The following LRRC4C variants were observed in gnomAD, a reference collection of about 807,000 sequenced individuals.
The protein encoded by LRRC4C is leucine-rich repeat-containing protein 4C.
Under a neutral mutation model 33.6 loss-of-function variants are expected in LRRC4C, and 5 were observed. The ratio of observed to expected loss-of-function variants is 0.15; its 90% CI spans 0.08 to 0.31. The LOEUF is 0.31. LRRC4C is among the 10% of genes least tolerant of loss of function. The pLI is 1.00. For synonymous variants in LRRC4C, 329 were observed against 302.0 expected, an observed-to-expected ratio of 1.09 and a Z score of -0.93; for missense variants, 560 against 796.7, an observed-to-expected ratio of 0.70 and a Z score of 3.58.
intron 4 of LRRC4C, among the ~76,000 whole-genome samples, chr11:40,261,693 T>C (rs555697468): frequency 6.6e-5 from 10 of 152,048 alleles, no homozygotes; most frequent in Non-Finnish European, 1.3e-4. Context: ...CATGCAGTGA[T>C]GAAGCTAAAA....
rs1305066126 is a variant in LRRC4C, at chr11:40,749,471, A to C, written c.-406-101193T>G. On this transcript the variant is annotated intron_variant, in intron 2 of 6. Transcript: ENST00000528697. ...ACCTATGAGATACAAAAAAAAAAAAAAACCCTATAATAAGCAGGAAGTTTA... is the reference window on the plus strand; with the variant it reads ...ACCTATGAGATACAAAAAAAAAAAACAACCCTATAATAAGCAGGAAGTTTA... 7.2e-5 allele frequency among the ~76,000 whole-genome samples: 11 copies of C among 151,762 alleles called. No individual in the cohort carries two copies. In the South Asian group the frequency reaches 1.2e-3, roughly 17 times the overall value.
At chr11:40,763,791 C>T (rs1298600500) in intron 2 of LRRC4C, among the ~76,000 whole-genome samples, 2 of 152,164 alleles carry the variant, frequency 1.3e-5, no homozygotes, top group African/African-American at 4.8e-5. Context: ...ACAAGTTGTC[C>T]ATTTCAGTAG....
chr11:41,324,911 TAG>T (rs1379130471), intron 1 of LRRC4C, among the ~76,000 whole-genome samples: 1 of 152,218 alleles, frequency 6.6e-6, no homozygotes, highest in African/African-American at 2.4e-5. Flanking sequence ...ATATTTAAAA[TAG>T]AGTTTTGATT....
intron 1 of LRRC4C, among the ~76,000 whole-genome samples, chr11:41,196,861 T>A: frequency 6.6e-6 from 1 of 152,084 alleles, no homozygotes; most frequent in East Asian, 1.9e-4. Context: ...TAATTTTTAG[T>A]AACTCCTGTT....
At chr11:41,368,852 C>G (rs1043503246) in intron 1 of LRRC4C, among the ~76,000 whole-genome samples, 23 of 152,112 alleles carry the variant, frequency 1.5e-4, no homozygotes, top group African/African-American at 5.3e-4. Context: ...TACTTTTTTC[C>G]CCGCATCCTA....
At chr11:41,304,699 C>CG (rs1950421424) in intron 1 of LRRC4C, among the ~76,000 whole-genome samples, 1 of 93,332 alleles carries the variant, frequency 1.1e-5, no homozygotes, top group Non-Finnish European at 2.2e-5. Context: ...CCCGGCCAGC[C>CG]ACCCCGTCCG....
chr11:40,916,367 A>C (rs1411539258), intron 2 of LRRC4C, among the ~76,000 whole-genome samples: 1 of 152,240 alleles, frequency 6.6e-6, no homozygotes, highest in Non-Finnish European at 1.5e-5. Flanking sequence ...CTATGCAGCC[A>C]TGAAAAATGA....
At chr11:40,309,390 T>C (rs1171436113) in intron 4 of LRRC4C, among the ~76,000 whole-genome samples, 1 of 152,260 alleles carries the variant, frequency 6.6e-6, no homozygotes, top group Non-Finnish European at 1.5e-5. Flanking sequence ...TATCAGTATT[T>C]CATTCCATTT....
intron 2 of LRRC4C, among the ~76,000 whole-genome samples, chr11:40,756,792 A>C (rs1948971638): frequency 6.6e-6 from 1 of 152,020 alleles, no homozygotes; most frequent in African/African-American, 2.4e-5. Flanking sequence ...AATCAACATG[A>C]CTTTATTCTA....
intron 1 of LRRC4C, among the ~76,000 whole-genome samples, chr11:41,450,369 T>C (rs1286918062): frequency 1.3e-5 from 2 of 152,162 alleles, no homozygotes; most frequent in Non-Finnish European, 2.9e-5. Context: ...AAAAATGTTA[T>C]AGCAAAGGTG....
intron 3 of LRRC4C, among the ~76,000 whole-genome samples, chr11:40,521,695 T>C (rs376074040): frequency 4.6e-5 from 7 of 151,834 alleles, no homozygotes; most frequent in African/African-American, 1.7e-4. Flanking sequence ...ATGGTAAAAC[T>C]CCGTCTCTAC....
At position 41,151,379 on chromosome 11, in the gene LRRC4C, A is replaced by G. The variant is rs777039750; in HGVS notation, c.-495-217656T>C. 1.2e-4 allele frequency among the ~76,000 whole-genome samples: 19 copies of G among 152,330 alleles called. No homozygotes were observed. The Middle Eastern group carries it at 0.01, about 82-fold the overall frequency. On this transcript the variant is annotated intron_variant, in intron 1 of 6. Coordinates refer to ENST00000528697, the MANE Select transcript of LRRC4C (RefSeq NM_001258419.2). ...GTGCAGCAGATAAGGTGATAGAGAAATATCTTCTTGCCTTATCATCTGACT... is the reference window on the plus strand; with the variant it reads ...GTGCAGCAGATAAGGTGATAGAGAAGTATCTTCTTGCCTTATCATCTGACT...
intron 2 of LRRC4C, among the ~76,000 whole-genome samples, chr11:40,712,143 T>A (rs1007378714): frequency 6.6e-6 from 1 of 152,176 alleles, no homozygotes; most frequent in East Asian, 1.9e-4. Context: ...TAATTAAAGT[T>A]TTCTTGCAAT....
chr11:40,393,795 G>A (rs1479199905), intron 3 of LRRC4C, among the ~76,000 whole-genome samples: 1 of 152,032 alleles, frequency 6.6e-6, no homozygotes, highest in Non-Finnish European at 1.5e-5. Flanking sequence ...TATGCCTTTT[G>A]TCCCCTAAAA....
At chr11:40,904,351 T>C (rs1216866900) in intron 2 of LRRC4C, among the ~76,000 whole-genome samples, 3 of 152,190 alleles carry the variant, frequency 2.0e-5, no homozygotes, top group African/African-American at 7.2e-5. Context: ...TTCTGTTTTT[T>C]AGGCTTCCTT....
chr11:40,932,612 A>T (rs962519266), intron 2 of LRRC4C, among the ~76,000 whole-genome samples: 1 of 152,174 alleles, frequency 6.6e-6, no homozygotes, highest in African/African-American at 2.4e-5. Context: ...TATAATTAAA[A>T]TTTAATATGA....
chr11:40,523,091 C>T (rs187762222), intron 3 of LRRC4C, among the ~76,000 whole-genome samples: 193 of 152,198 alleles, frequency 1.3e-3, no homozygotes, highest in Non-Finnish European at 1.9e-3. Flanking sequence ...TATGATAATG[C>T]TACTTTTAAT....
At chr11:40,219,917 A>C (rs919921861) in intron 5 of LRRC4C, among the ~76,000 whole-genome samples, 1 of 152,208 alleles carries the variant, frequency 6.6e-6, no homozygotes, top group Non-Finnish European at 1.5e-5. Flanking sequence ...AAAATGGGTA[A>C]CTATGTGAGC....
At chr11:41,241,822 C>T (rs1948261669) in intron 1 of LRRC4C, among the ~76,000 whole-genome samples, 1 of 152,142 alleles carries the variant, frequency 6.6e-6, no homozygotes. Context: ...GGTTTCTTTT[C>T]TCTCTGTTGT....
Sources: gnomAD v4.1 joint callset for allele counts (sites outside exome capture counted in the v4.1 genomes callset) on GRCh38, gnomAD v4.1.1 for gene constraint, MANE v1.5 for transcripts, NCBI Gene and HGNC (gene_info 2026-07-23, HGNC 2026-07-21) for gene names.